The following ANOS1 variants were observed in gnomAD, a reference collection of about 807,000 sequenced individuals.
The protein encoded by ANOS1 is anosmin-1.
Under a neutral mutation model 59.0 loss-of-function variants are expected in ANOS1, and 6 were observed. That is an observed-to-expected ratio of 0.10 (90% confidence interval 0.06 to 0.20). ANOS1 has a LOEUF of 0.20. Among genes scored for constraint, ANOS1 ranks in the 10% least tolerant of loss-of-function variants. The pLI, the probability that ANOS1 is intolerant of heterozygous loss-of-function variation, is 1.00. For missense variants in ANOS1, 433 were observed against 542.3 expected (o/e 0.80, Z 2.00); for synonymous variants, 217 against 223.4 (o/e 0.97, Z 0.25).
chrX:8,545,061 CAA>C (rs759787339), intron 9 of ANOS1, among the ~76,000 whole-genome samples: 3 of 20,488 alleles, frequency 1.5e-4, no homozygotes, highest in African/African-American at 2.1e-4. Flanking sequence ...AGAGAAACTC[CAA>C]AAAAAAAAAA....
rs746867606 is a variant in ANOS1 at position 8,639,946 on chromosome X, G to A, written c.256-16276C>T. 2.7e-5 allele frequency among the ~76,000 whole-genome samples: 3 copies of A among 110,656 alleles called. No individual in the cohort carries two copies. In the Admixed American group the frequency reaches 2.9e-4, roughly 11 times the overall value. On this transcript the variant is annotated intron_variant, in intron 2 of 13. Coordinates refer to ENST00000262648, the MANE Select transcript of ANOS1 (RefSeq NM_000216.4). The stretch of plus-strand genomic sequence containing the variant: ...GCCTCCACCGCATCCCCACCCAGAG[G>A]ACTAAATGAACCAGTGACAACAAAA...
At chrX:8,565,237 C>A (rs191513853) in intron 8 of ANOS1, among the ~76,000 whole-genome samples, 1 of 111,924 alleles carries the variant, frequency 8.9e-6, no homozygotes, top group East Asian at 2.8e-4. Flanking sequence ...ATTGGAAGAA[C>A]CAGGAGACTA....
At chrX:8,651,397 T>C (rs1468387462) in intron 2 of ANOS1, among the ~76,000 whole-genome samples, 2 of 111,987 alleles carry the variant, frequency 1.8e-5, no homozygotes, top group African/African-American at 6.5e-5. Flanking sequence ...TAAATAAAAT[T>C]AACTAGATAT....
chrX:8,622,033 C>T (rs921379940), intron 3 of ANOS1, among the ~76,000 whole-genome samples: 1 of 111,782 alleles, frequency 8.9e-6, no homozygotes, highest in Non-Finnish European at 1.9e-5. Flanking sequence ...CAGCAAATCA[C>T]CAGTTTTGTT....
At chrX:8,603,927 A>G (rs753604078) in intron 3 of ANOS1, among the ~76,000 whole-genome samples, 72 of 111,755 alleles carry the variant, frequency 6.4e-4, no homozygotes, top group Non-Finnish European at 1.2e-3. Flanking sequence ...AACCACCACC[A>G]TCACCATCAT....
intron 2 of ANOS1, among the ~76,000 whole-genome samples, chrX:8,695,676 T>C (rs1932673921): frequency 2.1e-5 from 2 of 94,446 alleles, no homozygotes; most frequent in African/African-American, 8.3e-5. Context: ...GAAGTTACAC[T>C]ATTCACAGTA....
At position 8,725,639 on chromosome X, in the gene ANOS1, GAT is replaced by G. The variant is rs1192765875; in HGVS notation, c.207+6189_207+6190del. Among the ~76,000 whole-genome samples the G allele has an allele frequency of 6.4e-4, 24 of 37,441 alleles. 4 individuals are homozygous for G. The highest frequency in any genetic ancestry group is 2.9e-3 in the African/African-American group (23 of 7,806). 32.5% of individuals were successfully genotyped at this position (37,441 alleles called of 115,157 possible). ...ATATATATACAGATATATATATACA[GAT>G]ATATATACAGATATATATATATACA... is the stretch of plus-strand genomic sequence containing the variant. On this transcript the variant is annotated intron_variant, in intron 1 of 13. Transcript: ENST00000262648.
At chrX:8,694,800 T>C (rs963427460) in intron 2 of ANOS1, among the ~76,000 whole-genome samples, 1 of 112,400 alleles carries the variant, frequency 8.9e-6, no homozygotes, top group African/African-American at 3.2e-5. Flanking sequence ...CCAAAAAGTA[T>C]TTAGTGTGGC....
intron 8 of ANOS1, among the ~76,000 whole-genome samples, chrX:8,561,924 T>C (rs1039840161): frequency 1.8e-5 from 2 of 110,780 alleles, no homozygotes; most frequent in Non-Finnish European, 3.8e-5. Flanking sequence ...AGGCAAACTT[T>C]TTCTTTCTTT....
At chrX:8,561,280 A>G (rs1409340934) in intron 8 of ANOS1, among the ~76,000 whole-genome samples, 2 of 111,438 alleles carry the variant, frequency 1.8e-5, no homozygotes, top group Non-Finnish European at 3.8e-5. Context: ...GATAACTGAG[A>G]ATCATTTATT....
At chrX:8,641,901 G>A (rs1285708998) in intron 2 of ANOS1, among the ~76,000 whole-genome samples, 1 of 111,440 alleles carries the variant, frequency 9.0e-6, no homozygotes, top group Non-Finnish European at 1.9e-5. Flanking sequence ...TAGGTCAGGG[G>A]TTTGCAATAG....
chrX:8,670,876 C>T (rs1227804211), intron 2 of ANOS1, among the ~76,000 whole-genome samples: 1 of 111,353 alleles, frequency 9.0e-6, no homozygotes, highest in African/African-American at 3.3e-5. Flanking sequence ...CCCCACTTTC[C>T]TAAGAAACTG....
At chrX:8,561,651 T>C (rs1414742317) in intron 8 of ANOS1, among the ~76,000 whole-genome samples, 1 of 108,695 alleles carries the variant, frequency 9.2e-6, no homozygotes, top group Non-Finnish European at 1.9e-5. Context: ...CTCACTATGT[T>C]GCCCAGGCTG....
At chrX:8,666,418 A>C (rs1479831088) in intron 2 of ANOS1, among the ~76,000 whole-genome samples, 2 of 111,631 alleles carry the variant, frequency 1.8e-5, no homozygotes, top group Non-Finnish European at 3.8e-5. Flanking sequence ...AACCAGTATT[A>C]GATTATTTTC....
chrX:8,568,194 G>C, intron 8 of ANOS1, 38 bp downstream of exon 8: 3 of 1,196,680 alleles, frequency 2.5e-6, no homozygotes, highest in Non-Finnish European at 3.4e-6. Context: ...CGCCCATCAT[G>C]TCACAATCAT....
chrX:8,530,939 C>T lies in ANOS1; in HGVS notation c.*2056G>A, dbSNP rs1006409458. ...ATGACACCAGAATAAAAAAGAGAAG[C>T]TATCTATGGTATCCATTTATTCAAG... On this transcript the variant is annotated 3_prime_UTR_variant, in exon 14 of 14. Coordinates refer to ENST00000262648, the MANE Select transcript of ANOS1 (RefSeq NM_000216.4). The T allele has an allele frequency of 9.1e-6, 1 of 109,798 alleles. No homozygotes were observed. The highest frequency in any genetic ancestry group is 3.3e-5 in the African/African-American group (1 of 30,289). The allele number at this position is 109,798 out of a possible 1,213,427, so 9.0% of individuals were successfully genotyped here. A position where few individuals can be genotyped will look rare whatever the true frequency, so the allele number is the denominator to read the frequency against.
chrX:8,535,971 A>G (rs1362140608), intron 11 of ANOS1, among the ~76,000 whole-genome samples, 160 bp from the exon 12 acceptor site: 2 of 110,851 alleles, frequency 1.8e-5, no homozygotes, highest in African/African-American at 6.5e-5. Flanking sequence ...CACCCCTTTG[A>G]CATATGGGGA....
At position 8,731,975 on chromosome X, in the gene ANOS1, C is replaced by T. The variant is rs919582823; in HGVS notation, c.62G>A (p.Gly21Asp). The change falls in exon 1 of 14, where the codon GGC (glycine) becomes GAC (aspartate). Residue 21 changes from glycine (G) to aspartate (D), a missense_variant. Transcript: ENST00000262648. ...CGCGCCGGGGCCGGCCGCCAGGCAG[C>T]CGCTGGAGGCCGCCAGCCAGAGGCA... is the stretch of plus-strand genomic sequence containing the variant. ...TLCLWLAASS[G>D]CLAAGPGAAA... is the part of the protein sequence containing the mutation. 5.5e-6 allele frequency: 6 copies of T among 1,100,349 alleles called. No homozygotes were observed. In the African/African-American group the frequency reaches 9.8e-5, roughly 18 times the overall value. The allele number at this position is 1,100,349 out of a possible 1,213,427, so 90.7% of individuals were successfully genotyped here. A position where few individuals can be genotyped will look rare whatever the true frequency, so the allele number is the denominator to read the frequency against.
intron 4 of ANOS1, among the ~76,000 whole-genome samples, chrX:8,594,251 T>G (rs1426242834): frequency 9.1e-6 from 1 of 110,232 alleles, no homozygotes; most frequent in Admixed American, 9.8e-5. Context: ...TTATTTCACA[T>G]TAGTTTGGGG....
Sources: allele counts gnomAD v4.1 joint callset (sites outside exome capture counted in the v4.1 genomes callset), GRCh38; gene constraint gnomAD v4.1.1; transcripts MANE v1.5; gene names NCBI Gene and HGNC (gene_info 2026-07-23, HGNC 2026-07-21).